ARHGAP22: variants seen among roughly 807,000 people sequenced by gnomAD.
ARHGAP22 encodes the protein rho GTPase-activating protein 22.
ARHGAP22 carries 48 observed loss-of-function variants against 59.1 expected under a neutral mutation model. The observed-to-expected ratio is 0.81, with a 90% confidence interval of 0.64 to 1.03. The LOEUF (loss-of-function observed/expected upper bound fraction) is 1.03. ARHGAP22 is among the 50% of genes least tolerant of loss of function. ARHGAP22 has a pLI of 0.00. For synonymous variants in ARHGAP22, 445 were observed against 416.4 expected, an observed-to-expected ratio of 1.07 and a Z score of -0.84; for missense variants, 1,015 against 958.7, an observed-to-expected ratio of 1.06 and a Z score of -0.78.
chr10:48,649,353 G>A (rs1172986092), intron 1 of ARHGAP22, among the ~76,000 whole-genome samples: 1 of 152,188 alleles, frequency 6.6e-6, no homozygotes, highest in Non-Finnish European at 1.5e-5. Context: ...CAGAGTCAGG[G>A]AGGCGTGGGA....
intron 4 of ARHGAP22, among the ~76,000 whole-genome samples, chr10:48,467,649 T>C (rs1321214676): frequency 2.0e-5 from 3 of 152,198 alleles, no homozygotes; most frequent in Non-Finnish European, 4.4e-5. Context: ...CTTCTTTCTT[T>C]ATTGAATATT....
chr10:48,596,428 C>T (rs1313173807), intron 1 of ARHGAP22, among the ~76,000 whole-genome samples: 2 of 151,294 alleles, frequency 1.3e-5, no homozygotes, highest in African/African-American at 2.4e-5. Context: ...GACAGTCGGG[C>T]TTGGGGTGGG....
chr10:48,440,753 G>A, the ARHGAP22 span, among the ~76,000 whole-genome samples: 3 of 152,074 alleles, frequency 2.0e-5, no homozygotes, highest in Non-Finnish European at 4.4e-5. Context: ...TTTCTGAGGC[G>A]GAAAAAAAGT....
chr10:48,621,285 T>C (rs1350469335), intron 1 of ARHGAP22, among the ~76,000 whole-genome samples: 3 of 152,372 alleles, frequency 2.0e-5, no homozygotes, highest in African/African-American at 7.2e-5. Flanking sequence ...TCATTTATTT[T>C]GGTTGGTTTA....
upstream of ARHGAP22, among the ~76,000 whole-genome samples, chr10:48,605,435 A>T (rs1378232675): frequency 1.3e-5 from 2 of 151,368 alleles, no homozygotes; most frequent in Non-Finnish European, 2.9e-5. Context: ...CAGCCCGGCA[A>T]TGTAAACTCC....
intron 1 of ARHGAP22, among the ~76,000 whole-genome samples, chr10:48,601,657 G>A (rs867556917): frequency 2.0e-5 from 3 of 152,158 alleles, no homozygotes; most frequent in African/African-American, 2.4e-5. Context: ...ATTAACAACA[G>A]AATTTCCATT....
intron 5 of ARHGAP22, among the ~76,000 whole-genome samples, chr10:48,459,134 G>A (rs920464000): frequency 6.8e-6 from 1 of 146,098 alleles, no homozygotes; most frequent in African/African-American, 2.5e-5. Context: ...TAGGCTGGGG[G>A]TATAGTTGGC....
At chr10:48,641,871 T>G (rs929603606) in intron 1 of ARHGAP22, among the ~76,000 whole-genome samples, 2 of 152,198 alleles carry the variant, frequency 1.3e-5, no homozygotes, top group South Asian at 2.1e-4. Context: ...AAAATCTCCT[T>G]AAGCAACCTC....
chr10:48,472,979 A>C (rs2048368576), intron 4 of ARHGAP22, among the ~76,000 whole-genome samples: 1 of 152,230 alleles, frequency 6.6e-6, no homozygotes, highest in African/African-American at 2.4e-5. Context: ...ATGATCTAGC[A>C]ATCCCACTTC....
chr10:48,443,898 T>C (rs2045262868), downstream of ARHGAP22: 1 of 152,232 alleles, frequency 6.6e-6, no homozygotes, highest in South Asian at 2.1e-4. Flanking sequence ...ATTTTAACTT[T>C]AAAGAACATG....
intron 3 of ARHGAP22, among the ~76,000 whole-genome samples, chr10:48,499,840 A>G (rs2051322345): frequency 6.6e-6 from 1 of 152,256 alleles, no homozygotes; most frequent in African/African-American, 2.4e-5. Context: ...AATGCATTCT[A>G]TGTATATAAG....
intron 9 of ARHGAP22, 67 bp from the exon 10 acceptor site, chr10:48,446,686 C>A (rs2045385613): frequency 1.4e-6 from 2 of 1,477,808 alleles, no homozygotes; most frequent in Admixed American, 2.0e-5. Flanking sequence ...ATGGGTATAC[C>A]ATGCTTGTGC....
chr10:48,603,753 G>A (rs577305952), intron 1 of ARHGAP22, among the ~76,000 whole-genome samples: 11 of 152,340 alleles, frequency 7.2e-5, no homozygotes, highest in South Asian at 6.2e-4. Context: ...GGGTCCTGAC[G>A]TCTGTGGAAC....
At chr10:48,468,145 C>A (rs1446041748) in intron 4 of ARHGAP22, among the ~76,000 whole-genome samples, 1 of 152,186 alleles carries the variant, frequency 6.6e-6, no homozygotes, top group African/African-American at 2.4e-5. Flanking sequence ...AGGGTGAGTG[C>A]CTCCCACCCC....
intron 1 of ARHGAP22, among the ~76,000 whole-genome samples, chr10:48,637,192 GGA>G (rs982332534): frequency 6.6e-6 from 1 of 152,224 alleles, no homozygotes; most frequent in Non-Finnish European, 1.5e-5. Context: ...AGCTGCAGAT[GGA>G]GACAGGCTCC....
chr10:48,585,385 A>C (rs1197617574), intron 1 of ARHGAP22, among the ~76,000 whole-genome samples: 1 of 151,988 alleles, frequency 6.6e-6, no homozygotes, highest in Non-Finnish European at 1.5e-5. Flanking sequence ...CCCTGATCCC[A>C]CTTTCTCTCT....
intron 3 of ARHGAP22, among the ~76,000 whole-genome samples, chr10:48,526,361 G>A (rs1434012300): frequency 6.6e-6 from 1 of 152,254 alleles, no homozygotes; most frequent in African/African-American, 2.4e-5. Flanking sequence ...AGAAAGACCA[G>A]GGTGAGGCTT....
intron 3 of ARHGAP22, among the ~76,000 whole-genome samples, chr10:48,521,679 G>A (rs924708163): frequency 2.0e-5 from 3 of 152,240 alleles, no homozygotes; most frequent in African/African-American, 7.2e-5. Context: ...TGGGTGGCAA[G>A]AGCTAAACAC....
chr10:48,555,411 G>C (rs1046429031), intron 3 of ARHGAP22, 52 bp downstream of exon 3: 7 of 1,564,062 alleles, frequency 4.5e-6, no homozygotes, highest in Non-Finnish European at 6.2e-6. Flanking sequence ...CAGGCCAGGG[G>C]CATGGCAACA....
Sources: gnomAD v4.1 joint callset for allele counts (sites outside exome capture counted in the v4.1 genomes callset) on GRCh38, gnomAD v4.1.1 for gene constraint, MANE v1.5 for transcripts, NCBI Gene and HGNC (gene_info 2026-07-23, HGNC 2026-07-21) for gene names.